The following ADGRL3 variants were observed in gnomAD, a reference collection of about 807,000 sequenced individuals.
ADGRL3 encodes calcium-independent alpha-latrotoxin receptor 3.
Under a neutral mutation model 153.5 loss-of-function variants are expected in ADGRL3, and 62 were observed. The ratio of observed to expected loss-of-function variants is 0.40; its 90% CI spans 0.33 to 0.50. ADGRL3 has a LOEUF of 0.50. Among genes scored for constraint, ADGRL3 ranks in the 20% least tolerant of loss-of-function variants. The pLI is 0.47. For missense variants in ADGRL3, 1,641 were observed against 1,859.4 expected, an observed-to-expected ratio of 0.88 and a Z score of 2.16; for synonymous variants, 710 against 672.5, an observed-to-expected ratio of 1.06 and a Z score of -0.86.
intron 1 of ADGRL3, among the ~76,000 whole-genome samples, chr4:61,227,009 T>C (rs1253508850): frequency 8.3e-6 from 1 of 120,782 alleles, no homozygotes; most frequent in Non-Finnish European, 1.7e-5. Flanking sequence ...TAATCTTTGC[T>C]TCGGGAGTAA....
intron 8 of ADGRL3, among the ~76,000 whole-genome samples, chr4:61,752,396 T>C (rs1243079996): frequency 2.0e-5 from 3 of 152,136 alleles, no homozygotes; most frequent in Admixed American, 6.6e-5. Context: ...AAGCATATTA[T>C]TATGGAAAAC....
intron 8 of ADGRL3, among the ~76,000 whole-genome samples, chr4:61,780,720 T>A (rs190944797): frequency 6.6e-6 from 1 of 152,156 alleles, no homozygotes; most frequent in African/African-American, 2.4e-5. Flanking sequence ...GACCAATCCC[T>A]CTTTCTGACT....
chr4:61,795,584 T>C (rs2097400512), intron 8 of ADGRL3, among the ~76,000 whole-genome samples: 1 of 152,158 alleles, frequency 6.6e-6, no homozygotes, highest in Non-Finnish European at 1.5e-5. Flanking sequence ...TGAAATAAAA[T>C]ATATATACAT....
intron 1 of ADGRL3, among the ~76,000 whole-genome samples, chr4:61,279,888 G>A (rs6819905): frequency 0.043 from 6,531 of 151,966 alleles, 246 homozygotes; most frequent in African/African-American, 0.095. Flanking sequence ...AAGTTTCCCC[G>A]TCTGCAAAAT....
chr4:61,760,026 C>T (rs921905755), intron 8 of ADGRL3, among the ~76,000 whole-genome samples: 1 of 152,186 alleles, frequency 6.6e-6, no homozygotes, highest in African/African-American at 2.4e-5. Flanking sequence ...GATTGTTCCT[C>T]TGGAAGTTTT....
intron 2 of ADGRL3, among the ~76,000 whole-genome samples, chr4:61,430,276 A>T (rs547269804): frequency 6.6e-6 from 1 of 152,314 alleles, no homozygotes; most frequent in Admixed American, 6.5e-5. Context: ...GCATGAGTGC[A>T]ATAGTCTAGC....
intron 1 of ADGRL3, among the ~76,000 whole-genome samples, chr4:61,369,716 T>C (rs2096483096): frequency 6.7e-6 from 1 of 149,938 alleles, no homozygotes; most frequent in East Asian, 1.9e-4. Flanking sequence ...CTCTGCCCGG[T>C]TTGGTATCAG....
At chr4:61,326,724 C>A (rs2095473953) in intron 1 of ADGRL3, among the ~76,000 whole-genome samples, 1 of 151,394 alleles carries the variant, frequency 6.6e-6, no homozygotes, top group African/African-American at 2.4e-5. Context: ...AATTTCCCTT[C>A]TTTTGGGGAG....
intron 17 of ADGRL3, among the ~76,000 whole-genome samples, chr4:61,960,037 A>G (rs1468292198): frequency 6.6e-6 from 1 of 152,214 alleles, no homozygotes; most frequent in Non-Finnish European, 1.5e-5. Flanking sequence ...AATATAGAAA[A>G]TTTCTTGAAA....
rs147040869 is a variant in ADGRL3, at chr4:61,918,827, C to T, written c.2112+6070C>T. ...AAACATTTTTGCCCATTCTTTTCAA[C>T]TTTTTTGTATTAATGCACACTTTCT... On this transcript the variant is annotated intron_variant, in intron 13 of 26. Coordinates refer to ENST00000683033, the MANE Select transcript of ADGRL3 (RefSeq NM_001387552.1). 1.6e-4 allele frequency among the ~76,000 whole-genome samples: 24 copies of T among 152,264 alleles called. No homozygotes were observed. In the East Asian group the frequency reaches 2.5e-3, roughly 16 times the overall value.
chr4:61,325,072 G>A (rs2095438124), intron 1 of ADGRL3, among the ~76,000 whole-genome samples: 1 of 152,142 alleles, frequency 6.6e-6, no homozygotes, highest in Non-Finnish European at 1.5e-5. Flanking sequence ...CTAGCACTTT[G>A]GGAAGCTGAA....
At chr4:61,591,653 T>C (rs2098969703) in intron 5 of ADGRL3, among the ~76,000 whole-genome samples, 1 of 152,142 alleles carries the variant, frequency 6.6e-6, no homozygotes, top group Non-Finnish European at 1.5e-5. Context: ...TTTTGAGTTT[T>C]CTATCAAGTA....
At chr4:61,287,592 A>T (rs972063025) in intron 1 of ADGRL3, among the ~76,000 whole-genome samples, 1 of 151,920 alleles carries the variant, frequency 6.6e-6, no homozygotes, top group African/African-American at 2.4e-5. Flanking sequence ...TTTCGGTCTG[A>T]CAATCAAGGG....
intron 1 of ADGRL3, among the ~76,000 whole-genome samples, chr4:61,292,953 T>C (rs1054361738): frequency 6.6e-6 from 1 of 152,132 alleles, no homozygotes; most frequent in African/African-American, 2.4e-5. Flanking sequence ...CCTGTCCAAT[T>C]TGAGGCCCCA....
intron 1 of ADGRL3, among the ~76,000 whole-genome samples, chr4:61,226,321 T>C (rs1285555953): frequency 6.6e-6 from 1 of 152,178 alleles, no homozygotes. Flanking sequence ...TTATTTTAGC[T>C]GTAAGTAGGC....
intron 13 of ADGRL3, among the ~76,000 whole-genome samples, chr4:61,920,481 T>C (rs982281985): frequency 1.3e-5 from 2 of 152,200 alleles, no homozygotes; most frequent in African/African-American, 2.4e-5. Flanking sequence ...AATTTTTATG[T>C]TTTCCTTTAT....
chr4:61,716,457 T>C (rs1294182620), intron 6 of ADGRL3, among the ~76,000 whole-genome samples: 2 of 152,162 alleles, frequency 1.3e-5, no homozygotes, highest in African/African-American at 4.8e-5. Flanking sequence ...TAAAGGAAAG[T>C]GAACATCAGT....
intron 5 of ADGRL3, among the ~76,000 whole-genome samples, chr4:61,674,712 A>G (rs1542834): frequency 0.35 from 53,686 of 151,702 alleles, 9,991 homozygotes; most frequent in East Asian, 0.53. Flanking sequence ...TATTGTATTA[A>G]AAACTTGACA....
intron 2 of ADGRL3, among the ~76,000 whole-genome samples, chr4:61,446,735 G>A (rs2097586522): frequency 6.6e-6 from 1 of 152,200 alleles, no homozygotes; most frequent in Non-Finnish European, 1.5e-5. Flanking sequence ...TGAAAAAGGA[G>A]AAGCAGGTGT....
Sources: allele counts gnomAD v4.1 joint callset (sites outside exome capture counted in the v4.1 genomes callset), GRCh38; gene constraint gnomAD v4.1.1; transcripts MANE v1.5; gene names NCBI Gene and HGNC (gene_info 2026-07-23, HGNC 2026-07-21).